NBAS: variants seen among roughly 807,000 people sequenced by gnomAD.
NBAS encodes NAG/BC035112 fusion.
NBAS carries 219 observed loss-of-function variants against 302.5 expected under a neutral mutation model. That is an observed-to-expected ratio of 0.72 (90% confidence interval 0.65 to 0.81). NBAS has a LOEUF of 0.81. NBAS is among the 30% of genes least tolerant of loss of function. The pLI is 0.00. For synonymous variants in NBAS, 1,118 were observed against 1,021.6 expected, an observed-to-expected ratio of 1.09 and a Z score of -1.80; for missense variants, 2,932 against 2,841.6, an observed-to-expected ratio of 1.03 and a Z score of -0.72.
At chr2:15,224,237 G>T (rs1667068647) in intron 47 of NBAS, among the ~76,000 whole-genome samples, 1 of 152,176 alleles carries the variant, frequency 6.6e-6, no homozygotes, top group African/African-American at 2.4e-5. Context: ...GAAGGGAAAT[G>T]TCAAGCAAAG....
chr2:15,011,623 C>A, the NBAS span, among the ~76,000 whole-genome samples: 115 of 152,126 alleles, frequency 7.6e-4, no homozygotes, highest in Non-Finnish European at 1.2e-4. Context: ...ACCCATGCCC[C>A]CAGCCAGCAA....
the NBAS span, among the ~76,000 whole-genome samples, chr2:14,848,095 C>T: frequency 6.6e-6 from 1 of 151,804 alleles, no homozygotes; most frequent in African/African-American, 2.4e-5. Context: ...CGAATAGGAA[C>T]AGCTCCAGTC....
the NBAS span, among the ~76,000 whole-genome samples, chr2:14,925,860 G>A: frequency 0.061 from 9,209 of 152,186 alleles, 379 homozygotes; most frequent in Non-Finnish European, 0.082. Flanking sequence ...GACTAAGTGT[G>A]GAATTACATT....
intron 44 of NBAS, among the ~76,000 whole-genome samples, chr2:15,239,399 GTGTATA>G (rs1303074662): frequency 1.4e-4 from 19 of 133,932 alleles, no homozygotes; most frequent in African/African-American, 4.0e-4. Flanking sequence ...GTGTGTGTGT[GTGTATA>G]TATATATATA....
intron 48 of NBAS, among the ~76,000 whole-genome samples, chr2:15,212,489 G>A (rs1666457580): frequency 6.6e-6 from 1 of 152,134 alleles, no homozygotes; most frequent in Non-Finnish European, 1.5e-5. Context: ...CAAGAGCAGT[G>A]AGCCTTTCCT....
the NBAS span, among the ~76,000 whole-genome samples, chr2:15,031,392 C>G: frequency 1.3e-5 from 2 of 152,210 alleles, no homozygotes; most frequent in African/African-American, 4.8e-5. Flanking sequence ...TCAAACTGCA[C>G]TACATTCTTT....
chr2:15,067,889 C>A, the NBAS span, among the ~76,000 whole-genome samples: 1 of 152,184 alleles, frequency 6.6e-6, no homozygotes, highest in East Asian at 1.9e-4. Flanking sequence ...ATAAAACATT[C>A]TTGAGACCCA....
the NBAS span, among the ~76,000 whole-genome samples, chr2:15,018,921 T>C: frequency 2.0e-5 from 3 of 152,180 alleles, no homozygotes; most frequent in African/African-American, 7.2e-5. Context: ...ATTTCATGCA[T>C]GTAGAGGAAG....
chr2:15,188,198 C>T (rs774497705), intron 49 of NBAS, among the ~76,000 whole-genome samples: 1 of 152,204 alleles, frequency 6.6e-6, no homozygotes, highest in Non-Finnish European at 1.5e-5. Flanking sequence ...TAAGTACAAA[C>T]TCAGTATTTT....
At chr2:14,939,342 C>G in the NBAS span, among the ~76,000 whole-genome samples, 638 of 152,332 alleles carry the variant, frequency 4.2e-3, 7 homozygotes, top group African/African-American at 0.015. Context: ...TTTCCTATCT[C>G]TATTTCAGGA....
At chr2:14,840,760 C>G in the NBAS span, among the ~76,000 whole-genome samples, 1 of 151,936 alleles carries the variant, frequency 6.6e-6, no homozygotes, top group African/African-American at 2.4e-5. Context: ...CCACAAGATC[C>G]ATCTTACAAG....
At chr2:15,292,819 C>CAA (rs1323135445) in intron 40 of NBAS, 53 bp from the exon 41 acceptor site, 2 of 1,523,424 alleles carry the variant, frequency 1.3e-6, no homozygotes, top group Non-Finnish European at 1.8e-6. Context: ...CAAACACGAG[C>CAA]AAGTGAGTAA....
chr2:15,144,037 CTATATATAAAAATA>C, the NBAS span, among the ~76,000 whole-genome samples: 2 of 45,890 alleles, frequency 4.4e-5, no homozygotes, highest in Admixed American at 2.3e-4. Flanking sequence ...ATATATTATC[CTATATATAAAAATA>C]TATATATATA....
the NBAS span, among the ~76,000 whole-genome samples, chr2:14,959,804 T>G: frequency 6.6e-6 from 1 of 152,202 alleles, no homozygotes; most frequent in African/African-American, 2.4e-5. Flanking sequence ...AAATACAATA[T>G]TCCCTGAGAA....
chr2:15,367,667 C>A (rs1170858093), intron 31 of NBAS, among the ~76,000 whole-genome samples: 2 of 152,182 alleles, frequency 1.3e-5, no homozygotes, highest in African/African-American at 4.8e-5. Context: ...CTTTCCTAAA[C>A]CCATGGCTGT....
At chr2:14,859,879 A>G in the NBAS span, among the ~76,000 whole-genome samples, 1 of 152,260 alleles carries the variant, frequency 6.6e-6, no homozygotes, top group South Asian at 2.1e-4. Flanking sequence ...TAAACAATCA[A>G]CAAACTAAAG....
chr2:15,128,191 C>T, the NBAS span, among the ~76,000 whole-genome samples: 4 of 152,284 alleles, frequency 2.6e-5, no homozygotes, highest in African/African-American at 7.2e-5. Context: ...TTTTTCTCAA[C>T]TTATTTGGTC....
the NBAS span, among the ~76,000 whole-genome samples, chr2:14,884,225 C>T: frequency 6.6e-6 from 1 of 152,086 alleles, no homozygotes; most frequent in Non-Finnish European, 1.5e-5. Context: ...GGCTTGTAAG[C>T]ATCTCGAAAC....
the NBAS span, chr2:14,890,536 G>A: frequency 9.2e-5 from 14 of 152,188 alleles, no homozygotes; most frequent in African/African-American, 3.1e-4. Context: ...TACTAATGGA[G>A]GCCAGGCACA....
Sources: gnomAD v4.1 joint callset for allele counts (sites outside exome capture counted in the v4.1 genomes callset) on GRCh38, gnomAD v4.1.1 for gene constraint, MANE v1.5 for transcripts, NCBI Gene and HGNC (gene_info 2026-07-23, HGNC 2026-07-21) for gene names.